Variants in TTC23 observed in about 807,000 individuals in gnomAD.
TTC23 encodes tetratricopeptide repeat domain 23, also known as tetratricopeptide repeat protein 23.
In TTC23, 58 loss-of-function variants were observed where a neutral mutation model predicts 55.1. The observed-to-expected ratio is 1.05, with a 90% CI of 0.85 to 1.31. TTC23 has a LOEUF of 1.31. Ranked by LOEUF, TTC23 falls within the 50% of genes most tolerant of loss-of-function variation. The probability of loss-of-function intolerance (pLI) is 0.00; values close to 1 mark genes in which losing one functional copy is unlikely to be tolerated. For synonymous variants in TTC23, 203 were observed against 199.9 expected (o/e 1.02, Z -0.13); for missense variants, 516 against 534.4 (o/e 0.97, Z 0.34).
intron 10 of TTC23, among the ~76,000 whole-genome samples, chr15:99,167,092 A>G (rs8038002): frequency 0.46 from 69,958 of 151,932 alleles, 16,148 homozygotes; most frequent in Middle Eastern, 0.58. Context: ...CTATTACTAC[A>G]GCAAAGGGGT....
At chr15:99,236,467 C>CT (rs869228713) in intron 3 of TTC23, among the ~76,000 whole-genome samples, 1,869 of 140,670 alleles carry the variant, frequency 0.013, 14 homozygotes, top group Middle Eastern at 0.067. Flanking sequence ...CCTTTTCTCA[C>CT]TTTTTTTTTT....
At position 99,228,482 on chromosome 15, in the gene TTC23, C is replaced by T. The variant is rs774977252; in HGVS notation, c.180+51G>A. ...AAACATTCTACTTCTCTTGATTATA[C>T]CATATAGCTCAATTCTCAGAGTAGA... On this transcript the variant is annotated intron_variant, in intron 5 of 13. Coordinates refer to ENST00000394132, the MANE Select transcript of TTC23 (RefSeq NM_001288615.3). The T allele has an allele frequency of 4.6e-5, 68 of 1,472,146 alleles. No individual in the cohort carries two copies. The East Asian group carries it at 9.6e-4, about 21-fold the overall frequency. 91.2% of individuals were successfully genotyped at this position (1,472,146 alleles called of 1,614,324 possible).
At chr15:99,179,335 C>T (rs1201635491) in intron 9 of TTC23, among the ~76,000 whole-genome samples, 1 of 152,190 alleles carries the variant, frequency 6.6e-6, no homozygotes, top group African/African-American at 2.4e-5. Flanking sequence ...ACATCTACTC[C>T]ACCGCCCCCT....
intron 10 of TTC23, among the ~76,000 whole-genome samples, chr15:99,173,233 C>G (rs1222804151): frequency 6.6e-6 from 1 of 152,222 alleles, no homozygotes; most frequent in Non-Finnish European, 1.5e-5. Flanking sequence ...AGTCACGGAT[C>G]CAGCCTTCGC....
At chr15:99,190,902 C>T (rs931085201) in intron 9 of TTC23, among the ~76,000 whole-genome samples, 8 of 152,144 alleles carry the variant, frequency 5.3e-5, no homozygotes, top group African/African-American at 1.9e-4. Context: ...CCACCTCAGC[C>T]ACCCGAGTAG....
chr15:99,185,846 T>C (rs1360129373), intron 9 of TTC23, among the ~76,000 whole-genome samples: 1 of 152,212 alleles, frequency 6.6e-6, no homozygotes, highest in Non-Finnish European at 1.5e-5. Context: ...GTGTTGGCTC[T>C]CCAGGACTTG....
rs146955388 is a variant in TTC23 at position 99,243,890 on chromosome 15, G to A, written c.-309+1499C>T. On this transcript the variant is annotated intron_variant, in intron 2 of 13. Coordinates refer to ENST00000394132, the MANE Select transcript of TTC23 (RefSeq NM_001288615.3). ...GGTACAAAACGTAGTTAGATAGAAT[G>A]AATAAGATCTAGTACTTGATATCAC... Among the ~76,000 whole-genome samples the A allele has an allele frequency of 3.9e-5, 6 of 152,254 alleles. No individual in the cohort carries two copies. The East Asian group carries it at 1.2e-3, about 29-fold the overall frequency.
intron 8 of TTC23, among the ~76,000 whole-genome samples, chr15:99,201,685 A>C (rs1227315607): frequency 6.6e-6 from 1 of 152,218 alleles, no homozygotes; most frequent in Non-Finnish European, 1.5e-5. Flanking sequence ...TCAGGGACTA[A>C]GGAGGGCTAC....
At chr15:99,158,726 TATC>T (rs2070951541) in intron 11 of TTC23, 1 of 152,316 alleles carries the variant, frequency 6.6e-6, no homozygotes, top group Non-Finnish European at 1.5e-5. Context: ...ATCCCTCAAA[TATC>T]ATGTTCCACA....
intron 10 of TTC23, 37 bp from the exon 11 acceptor site, chr15:99,161,904 TCA>T: frequency 6.4e-7 from 1 of 1,569,166 alleles, no homozygotes; most frequent in Non-Finnish European, 8.6e-7. Context: ...TGAAAACTGC[TCA>T]CAGATTTGAA....
intron 9 of TTC23, among the ~76,000 whole-genome samples, chr15:99,177,809 G>GAA (rs1384199725): frequency 6.6e-6 from 1 of 152,170 alleles, no homozygotes; most frequent in Non-Finnish European, 1.5e-5. Context: ...TACATGTTCT[G>GAA]AAAACACTGT....
intron 9 of TTC23, among the ~76,000 whole-genome samples, chr15:99,198,106 G>A (rs944407961): frequency 1.3e-4 from 19 of 151,948 alleles, no homozygotes; most frequent in South Asian, 4.2e-4. Context: ...AGGTGATCTC[G>A]TCCTCTCCCA....
chr15:99,199,353 A>G (rs2076004236), intron 9 of TTC23, among the ~76,000 whole-genome samples: 1 of 150,434 alleles, frequency 6.6e-6, no homozygotes, highest in Non-Finnish European at 1.5e-5. Flanking sequence ...GGATCACGTG[A>G]ACCCAGGAGT....
intron 5 of TTC23, among the ~76,000 whole-genome samples, chr15:99,225,867 T>G (rs2078361140): frequency 6.6e-6 from 1 of 152,200 alleles, no homozygotes; most frequent in South Asian, 2.1e-4. Context: ...GACAGCACCT[T>G]AACCAAGTGT....
chr15:99,242,530 A>G (rs1304959497), intron 2 of TTC23, among the ~76,000 whole-genome samples: 1 of 152,178 alleles, frequency 6.6e-6, no homozygotes, highest in Non-Finnish European at 1.5e-5. Flanking sequence ...CCAGACAAAG[A>G]CATCACAAGA....
chr15:99,218,735 T>C (rs1042943809), intron 7 of TTC23, 22 bp from the exon 8 acceptor site: 4 of 1,613,404 alleles, frequency 2.5e-6, no homozygotes, highest in Non-Finnish European at 3.4e-6. Context: ...TCAGGAAATT[T>C]TCCACTTGGT....
chr15:99,171,507 A>G (rs2072917930), intron 10 of TTC23, among the ~76,000 whole-genome samples: 1 of 144,522 alleles, frequency 6.9e-6, no homozygotes, highest in South Asian at 2.3e-4. Flanking sequence ...TGCTGCTGCT[A>G]TGGTTGTTAC....
At chr15:99,201,620 T>A (rs1596612512) in intron 8 of TTC23, among the ~76,000 whole-genome samples, 1 of 152,214 alleles carries the variant, frequency 6.6e-6, no homozygotes, top group South Asian at 2.1e-4. Context: ...TTGAACAGTT[T>A]ATTAATCTGG....
intron 3 of TTC23, among the ~76,000 whole-genome samples, chr15:99,235,495 C>T (rs1045306454): frequency 3.3e-5 from 5 of 151,702 alleles, no homozygotes; most frequent in Admixed American, 6.6e-5. Flanking sequence ...CTCAGCCTCC[C>T]GAGTAGCTGG....
Sources: gnomAD v4.1 joint callset for allele counts (sites outside exome capture counted in the v4.1 genomes callset) on GRCh38, gnomAD v4.1.1 for gene constraint, MANE v1.5 for transcripts, NCBI Gene and HGNC (gene_info 2026-07-23, HGNC 2026-07-21) for gene names.